The following GUCY2F variants were observed in gnomAD, a reference collection of about 807,000 sequenced individuals.
The protein encoded by GUCY2F is guanylate cyclase 2F, retinal, also known as retinal guanylyl cyclase 2.
In GUCY2F, 61 loss-of-function variants were observed where a neutral mutation model predicts 73.1. The observed-to-expected ratio is 0.83, with a 90% CI of 0.68 to 1.03. The LOEUF (loss-of-function observed/expected upper bound fraction) is 1.03, where lower values mean the gene tolerates loss of function less well. Among genes scored for constraint, GUCY2F ranks in the 50% least tolerant of loss-of-function variants. The pLI is 0.00. For missense variants in GUCY2F, 912 were observed against 854.3 expected, an observed-to-expected ratio of 1.07 and a Z score of -0.84; for synonymous variants, 331 against 307.8, an observed-to-expected ratio of 1.08 and a Z score of -0.79.
intron 7 of GUCY2F, among the ~76,000 whole-genome samples, chrX:109,431,593 G>A (rs1931614975): frequency 9.1e-6 from 1 of 109,682 alleles, no homozygotes; most frequent in Non-Finnish European, 1.9e-5. Context: ...CAGCTACTCA[G>A]GAGGCTGAGG....
At chrX:109,392,292 G>A (rs777143849) in intron 13 of GUCY2F, among the ~76,000 whole-genome samples, 189 bp from the exon 14 acceptor site, 3 of 111,887 alleles carry the variant, frequency 2.7e-5, no homozygotes, top group Non-Finnish European at 3.8e-5. Flanking sequence ...GCTTACAATC[G>A]GTCAGGAACT....
chrX:109,421,009 T>C (rs2147265379), intron 8 of GUCY2F, among the ~76,000 whole-genome samples: 1 of 111,279 alleles, frequency 9.0e-6, no homozygotes, highest in South Asian at 3.7e-4. Flanking sequence ...TAGCTTTCTA[T>C]GAAAAGATGG....
rs1164358271 is a variant in GUCY2F at position 109,477,473 on chromosome X, C to A, written c.-85-1452G>T. 2.7e-5 allele frequency among the ~76,000 whole-genome samples: 3 copies of A among 111,658 alleles called. No homozygotes were observed. In the East Asian group the frequency reaches 8.5e-4, roughly 32 times the overall value. ...CCTAGGAAAAAAATAGAAAGCTGAA[C>A]AAGAGTTATAAATTCTTAATAGAAA... On this transcript the variant is annotated intron_variant, in intron 1 of 19. Coordinates refer to ENST00000218006, the MANE Select transcript of GUCY2F (RefSeq NM_001522.3).
chrX:109,441,627 C>T lies in GUCY2F; in HGVS notation c.1570-145G>A, dbSNP rs182853155. Reference sequence around the variant, plus strand: ...ATGAGATTGATTCATTTTCCCTATCCTTCTGAACTTTTTTTTTCAGTTCAG... The same window carrying T: ...ATGAGATTGATTCATTTTCCCTATCTTTCTGAACTTTTTTTTTCAGTTCAG... On this transcript the variant is annotated intron_variant, in intron 6 of 19. Transcript: ENST00000218006. The T allele has an allele frequency of 1.8e-5, 7 of 385,289 alleles. No individual in the cohort carries two copies. In the Admixed American group the frequency reaches 2.3e-4, roughly 13 times the overall value. The allele number at this position is 385,289 out of a possible 1,213,427, so 31.8% of individuals were successfully genotyped here.
chrX:109,455,927 C>T (rs988383235), intron 3 of GUCY2F, among the ~76,000 whole-genome samples: 2 of 112,287 alleles, frequency 1.8e-5, no homozygotes, highest in African/African-American at 6.5e-5. Flanking sequence ...CCATCTACAA[C>T]GAGTCTTGTC....
chrX:109,403,941 C>G (rs996636351), intron 10 of GUCY2F, among the ~76,000 whole-genome samples: 6 of 112,127 alleles, frequency 5.4e-5, no homozygotes, highest in African/African-American at 1.9e-4. Context: ...CTGGTATGCT[C>G]TAGTGACGTC....
chrX:109,432,409 G>A (rs1180621660), intron 7 of GUCY2F, among the ~76,000 whole-genome samples: 1 of 111,519 alleles, frequency 9.0e-6, no homozygotes, highest in Non-Finnish European at 1.9e-5. Flanking sequence ...CGGGATCAAA[G>A]GCTACCTATT....
At chrX:109,408,809 G>T (rs1263001425) in intron 9 of GUCY2F, among the ~76,000 whole-genome samples, 183 bp downstream of exon 9, 1 of 111,947 alleles carries the variant, frequency 8.9e-6, no homozygotes, top group Admixed American at 9.4e-5. Flanking sequence ...GGAACTGTAA[G>T]TCCAATTAAA....
chrX:109,477,750 T>C (rs1299341539), intron 1 of GUCY2F, among the ~76,000 whole-genome samples: 1 of 111,972 alleles, frequency 8.9e-6, no homozygotes, highest in East Asian at 2.8e-4. Context: ...GCCAAACTGG[T>C]TGTTTATGGG....
chrX:109,457,669 G>C (rs1932286792), intron 3 of GUCY2F, among the ~76,000 whole-genome samples: 1 of 111,131 alleles, frequency 9.0e-6, no homozygotes, highest in Admixed American at 9.6e-5. Context: ...ACCTTGTTTG[G>C]TGGGCCCCAT....
At chrX:109,420,358 A>AAG (rs1158957153) in intron 8 of GUCY2F, among the ~76,000 whole-genome samples, 7 of 105,896 alleles carry the variant, frequency 6.6e-5, no homozygotes, top group African/African-American at 1.4e-4. Flanking sequence ...AAGAAAAAGA[A>AAG]AGAGAGAGAG....
Position 109,392,951 on chromosome X carries a change from A to T in GUCY2F, c.2529T>A (p.Thr843=), listed in dbSNP as rs779395699. ...TCTGTTTTTCAATTTCCAGCTCTTC[A>T]GTCCGCTCCCGAATCAAATCTTCCA... is the stretch of plus-strand genomic sequence containing the variant. ...SNLEDLIRER[T]EELEIEKQKT... Residue 843 remains threonine, a synonymous_variant, in exon 13 of 20, where the codon ACT becomes ACA. Transcript: ENST00000218006. The T allele has an allele frequency of 6.0e-6, 7 of 1,175,406 alleles. No homozygotes were observed. The highest frequency in any genetic ancestry group is 8.1e-6 in the Non-Finnish European group (7 of 864,535).
chrX:109,391,721 T>C (rs1930565838), intron 14 of GUCY2F, among the ~76,000 whole-genome samples, 190 bp downstream of exon 14: 1 of 111,878 alleles, frequency 8.9e-6, no homozygotes, highest in South Asian at 3.7e-4. Flanking sequence ...ATTTTGTAAA[T>C]TGGGAAATTA....
chrX:109,476,088 G>T, intron 1 of GUCY2F, 67 bp from the exon 2 acceptor site: 20 of 338,295 alleles, frequency 5.9e-5, no homozygotes, highest in Non-Finnish European at 6.8e-5. Flanking sequence ...CATCGGTTGT[G>T]AAAGAATGGC....
intron 5 of GUCY2F, among the ~76,000 whole-genome samples, chrX:109,451,016 C>T (rs1932123952): frequency 1.8e-5 from 2 of 112,108 alleles, no homozygotes; most frequent in Admixed American, 9.5e-5. Context: ...CCAAAACAGC[C>T]TCACTCCATT....
At chrX:109,446,146 C>T (rs1932001168) in intron 6 of GUCY2F, among the ~76,000 whole-genome samples, 1 of 112,045 alleles carries the variant, frequency 8.9e-6, no homozygotes, top group Non-Finnish European at 1.9e-5. Flanking sequence ...AATGGAAGAA[C>T]ATTCCATGCT....
At chrX:109,441,795 A>C (rs914936011) in intron 6 of GUCY2F, among the ~76,000 whole-genome samples, 3 of 110,888 alleles carry the variant, frequency 2.7e-5, no homozygotes, top group African/African-American at 6.6e-5. Flanking sequence ...ATAGACAAAA[A>C]AGTAAGACCA....
At position 109,395,476 on chromosome X, in the gene GUCY2F, T is replaced by C. The variant is rs1217677905; in HGVS notation, c.2289A>G (p.Arg763=). The change falls in exon 12 of 20, where the codon AGA becomes AGG. Residue 763 remains arginine, a synonymous_variant. Transcript: ENST00000218006. ...TGTACACAGGAGGAGGCTTCTTAAG[T>C]CTGTTTATGATTTCTGTCCAGATGC... ...MDLPAQEIIN[R]LKKPPPVYRP... is the part of the protein sequence containing the mutation. The C allele has an allele frequency of 8.3e-7, 1 of 1,201,136 alleles. No homozygotes were observed. Among genetic ancestry groups the C allele is most frequent in the Admixed American group, 2.2e-5 (1 of 45,508 alleles).
chrX:109,378,474 G>A (rs1240867156), intron 17 of GUCY2F, among the ~76,000 whole-genome samples: 1 of 111,798 alleles, frequency 8.9e-6, no homozygotes, highest in African/African-American at 3.3e-5. Context: ...CGAAAGCACA[G>A]AGAGAGGGTG....
Sources: gnomAD v4.1 joint callset for allele counts (sites outside exome capture counted in the v4.1 genomes callset) on GRCh38, gnomAD v4.1.1 for gene constraint, MANE v1.5 for transcripts, NCBI Gene and HGNC (gene_info 2026-07-23, HGNC 2026-07-21) for gene names.